SHLD2: variants seen among roughly 807,000 people sequenced by gnomAD.
SHLD2 encodes shieldin complex subunit 2.
In SHLD2, 30 loss-of-function variants were observed where a neutral mutation model predicts 73.2. That is an observed-to-expected ratio of 0.41 (90% CI 0.31 to 0.56). The LOEUF is 0.56. SHLD2 is among the 20% of genes least tolerant of loss of function. SHLD2 has a pLI of 0.28. For synonymous variants in SHLD2, 285 were observed against 370.1 expected (o/e 0.77, Z 2.64); for missense variants, 745 against 1,055.9 (o/e 0.71, Z 4.08).
intron 4 of SHLD2, among the ~76,000 whole-genome samples, chr10:87,165,843 C>T (rs866650525): frequency 1.3e-5 from 2 of 152,068 alleles, no homozygotes; most frequent in Admixed American, 1.3e-4. Flanking sequence ...CCACATTAGT[C>T]GACATAGTGA....
intron 2 of SHLD2, among the ~76,000 whole-genome samples, chr10:87,151,134 T>A (rs1186213086): frequency 2.0e-5 from 3 of 152,176 alleles, no homozygotes; most frequent in Admixed American, 1.3e-4. Context: ...AAAGTGAGTC[T>A]TTAGGTGAAA....
intron 3 of SHLD2, among the ~76,000 whole-genome samples, chr10:87,153,680 C>G (rs548069214): frequency 7.9e-4 from 120 of 152,116 alleles, no homozygotes; most frequent in African/African-American, 2.8e-3. Flanking sequence ...TTGTGAGACC[C>G]TGTTTTAGAT....
chr10:87,120,250 A>ATTTTTT (rs1169348965), intron 2 of SHLD2, among the ~76,000 whole-genome samples: 1 of 148,356 alleles, frequency 6.7e-6, no homozygotes, highest in African/African-American at 2.6e-5. Flanking sequence ...TTATTTATTT[A>ATTTTTT]TTTATTTATT....
chr10:87,099,149 A>G (rs1842103604), intron 2 of SHLD2, among the ~76,000 whole-genome samples: 1 of 152,242 alleles, frequency 6.6e-6, no homozygotes, highest in Non-Finnish European at 1.5e-5. Context: ...GGAACATTCA[A>G]TAGCATTCCA....
At chr10:87,147,927 A>C (rs1389286907) in intron 2 of SHLD2, among the ~76,000 whole-genome samples, 5 of 149,918 alleles carry the variant, frequency 3.3e-5, no homozygotes, top group African/African-American at 4.9e-5. Context: ...GTGTGATCTC[A>C]GCTCACTGTA....
rs1841942026 is a variant in SHLD2, at chr10:87,096,975, G to C, written c.-20G>C. 1 of 152,102 alleles carries C rather than the reference G, an allele frequency of 6.6e-6. No individual in the cohort carries two copies. The highest frequency in any genetic ancestry group is 2.4e-5 in the African/African-American group (1 of 41,382). 9.4% of individuals were successfully genotyped at this position (152,102 alleles called of 1,614,324 possible). A position where few individuals can be genotyped will look rare whatever the true frequency, so the allele number is the denominator to read the frequency against. On this transcript the variant is annotated 5_prime_UTR_variant, in exon 2 of 10. The change abolishes an upstream ATG in the 5' untranslated region. Coordinates refer to ENST00000298786, the MANE Select transcript of SHLD2 (RefSeq NM_001330112.2). Reference sequence around the variant, plus strand: ...ACCTGAATCCTGAATTTTCCTTGATGGTCAAAAGATTAAGGTATCAAATTT... The same window carrying C: ...ACCTGAATCCTGAATTTTCCTTGATCGTCAAAAGATTAAGGTATCAAATTT...
intron 2 of SHLD2, among the ~76,000 whole-genome samples, chr10:87,127,161 A>G (rs1537821): frequency 8.6e-5 from 13 of 151,788 alleles, no homozygotes; most frequent in Non-Finnish European, 1.8e-4. Flanking sequence ...ACTTTATTTC[A>G]TAATTTTATT....
chr10:87,176,223 GT>G lies in SHLD2; in HGVS notation c.2170+129del, dbSNP rs1288401611. ...TGCAGTCTCCACCTCCCAGGTTTAA[GT>G]GATTCTCCCCGTTCAGCCTTTCGCG... On this transcript the variant is annotated intron_variant, in intron 7 of 9. Coordinates refer to ENST00000298786, the MANE Select transcript of SHLD2 (RefSeq NM_001330112.2). 21 of 1,289,918 alleles carry G rather than the reference GT, an allele frequency of 1.6e-5. No individual in the cohort carries two copies. In the Admixed American group the frequency reaches 1.9e-4, roughly 12 times the overall value. The allele number at this position is 1,289,918 out of a possible 1,614,324, so 79.9% of individuals were successfully genotyped here.
chr10:87,111,792 C>A lies in SHLD2; in HGVS notation c.-6+14803C>A, dbSNP rs371333940. Among the ~76,000 whole-genome samples, 4 of 151,164 alleles carry A rather than the reference C, an allele frequency of 2.6e-5. No homozygotes were observed. The East Asian group carries it at 8.0e-4, about 30-fold the overall frequency. ...TGCACCTGGCCAAAATTAAAAACTT[C>A]TATGTTTCAAAGGACATCATTAAGA... On this transcript the variant is annotated intron_variant, in intron 2 of 9. Coordinates refer to ENST00000298786, the MANE Select transcript of SHLD2 (RefSeq NM_001330112.2).
chr10:87,172,810 G>A (rs181587060), intron 6 of SHLD2, among the ~76,000 whole-genome samples: 273 of 152,028 alleles, frequency 1.8e-3, no homozygotes, highest in African/African-American at 6.3e-3. Flanking sequence ...TAATAAAAAT[G>A]TATCTATAAG....
intron 2 of SHLD2, among the ~76,000 whole-genome samples, chr10:87,099,143 C>T (rs1285629292): frequency 1.3e-5 from 2 of 152,178 alleles, no homozygotes; most frequent in East Asian, 3.8e-4. Flanking sequence ...TTGAAGGGAA[C>T]ATTCAATAGC....
At chr10:87,156,007 G>A (rs1437649305) in intron 3 of SHLD2, among the ~76,000 whole-genome samples, 1 of 150,990 alleles carries the variant, frequency 6.6e-6, no homozygotes, top group African/African-American at 2.4e-5. Context: ...AGTGAACTTA[G>A]TTGGATAGCC....
intron 8 of SHLD2, among the ~76,000 whole-genome samples, chr10:87,182,925 TC>T (rs1015319985): frequency 1.5e-4 from 23 of 151,944 alleles, no homozygotes; most frequent in African/African-American, 5.3e-4. Flanking sequence ...GAAAGAGAGT[TC>T]CAGGTGGAAG....
chr10:87,137,106 C>T (rs1844853421), intron 2 of SHLD2, among the ~76,000 whole-genome samples: 1 of 151,670 alleles, frequency 6.6e-6, no homozygotes, highest in Non-Finnish European at 1.5e-5. Flanking sequence ...ACAAGAAAAG[C>T]AAGAAAATGT....
At chr10:87,108,918 T>C (rs1290155754) in intron 2 of SHLD2, among the ~76,000 whole-genome samples, 1 of 152,158 alleles carries the variant, frequency 6.6e-6, no homozygotes, top group Non-Finnish European at 1.5e-5. Context: ...TTCTGAGCCA[T>C]TGCAAATGAC....
chr10:87,183,423 C>G (rs1475106225), intron 8 of SHLD2, among the ~76,000 whole-genome samples: 1 of 152,164 alleles, frequency 6.6e-6, no homozygotes, highest in Non-Finnish European at 1.5e-5. Flanking sequence ...TTTCTGCACC[C>G]TGTTTTGTTT....
intron 2 of SHLD2, among the ~76,000 whole-genome samples, chr10:87,144,616 ATTTTTTTTTTT>A (rs548218721): frequency 0.063 from 5,643 of 89,650 alleles, 164 homozygotes; most frequent in Middle Eastern, 0.21. Flanking sequence ...GCATTTACTA[ATTTTTTTTTTT>A]TTTTTTTTTT....
chr10:87,131,271 A>G (rs918544152), intron 2 of SHLD2, among the ~76,000 whole-genome samples: 2 of 151,996 alleles, frequency 1.3e-5, no homozygotes, highest in Admixed American at 1.3e-4. Flanking sequence ...GACATTAAGT[A>G]CATTCACAAT....
intron 8 of SHLD2, among the ~76,000 whole-genome samples, chr10:87,184,407 C>T (rs1409430797): frequency 6.6e-6 from 1 of 151,976 alleles, no homozygotes; most frequent in Non-Finnish European, 1.5e-5. Flanking sequence ...TGTTTACCTT[C>T]CCCTAGCTGA....
Sources: gnomAD v4.1 joint callset for allele counts (sites outside exome capture counted in the v4.1 genomes callset) on GRCh38, gnomAD v4.1.1 for gene constraint, MANE v1.5 for transcripts, NCBI Gene and HGNC (gene_info 2026-07-23, HGNC 2026-07-21) for gene names.